Variants in IQCH observed in about 807,000 individuals in gnomAD.
IQCH encodes IQ domain-containing protein H.
In IQCH, 98 loss-of-function variants were observed where a neutral mutation model predicts 117.0. The ratio of observed to expected loss-of-function variants is 0.84; its 90% CI spans 0.71 to 0.99. The LOEUF is 0.99. Among genes scored for constraint, IQCH ranks in the 50% least tolerant of loss-of-function variants. The probability of loss-of-function intolerance (pLI) is 0.00; values close to 1 mark genes in which losing one functional copy is unlikely to be tolerated. For missense variants in IQCH, 1,102 were observed against 1,243.8 expected, an observed-to-expected ratio of 0.89 and a Z score of 1.72; for synonymous variants, 412 against 448.2, an observed-to-expected ratio of 0.92 and a Z score of 1.02.
chr15:67,380,128 A>T (rs1469635423), intron 10 of IQCH, among the ~76,000 whole-genome samples: 1 of 152,258 alleles, frequency 6.6e-6, no homozygotes, highest in Non-Finnish European at 1.5e-5. Context: ...TTGGGATTAC[A>T]GGTGTGAGCC....
chr15:67,254,867 C>G lies in IQCH; in HGVS notation c.-30C>G. ...GTTTCCGTGCTTGGAAACCGCGCCT[C>G]CGCGGAGGTAGCCGTTCCCTGACCT... On this transcript the variant is annotated 5_prime_UTR_variant, in exon 1 of 21. Transcript: ENST00000335894. 2 of 1,610,492 alleles carry G rather than the reference C, an allele frequency of 1.2e-6. No individual in the cohort carries two copies. The highest frequency in any genetic ancestry group is 4.5e-5 in the East Asian group (2 of 44,546).
Position 67,377,155 on chromosome 15 carries a change from G to A in IQCH, c.1372+3722G>A, listed in dbSNP as rs541539039. ...AAGAAAAAAAGAAAAAAAGAAAGGA[G>A]GACTTATGAAACTTGATTGATTGTT... On this transcript the variant is annotated intron_variant, in intron 10 of 20. Coordinates refer to ENST00000335894, the MANE Select transcript of IQCH (RefSeq NM_001031715.3). Among the ~76,000 whole-genome samples, 19 of 149,992 alleles carry A rather than the reference G, an allele frequency of 1.3e-4. 1 individual carries two copies. The South Asian group carries it at 4.0e-3, about 32-fold the overall frequency.
intron 4 of IQCH, among the ~76,000 whole-genome samples, chr15:67,328,315 T>G (rs8031586): frequency 0.67 from 102,410 of 151,992 alleles, 35,119 homozygotes; most frequent in Middle Eastern, 0.83. Context: ...TTCATTTTAA[T>G]TGCTCCTTCC....
In IQCH at chr15:67,488,812, C is replaced by T. The variant is rs561089024; in HGVS notation, c.2800-1191C>T. Reference sequence around the variant, plus strand: ...CGCTCCTAGGAGAATCTAATGCCACCGCTGATCTGACAGGAGACGGAGCTC... The same window carrying T: ...CGCTCCTAGGAGAATCTAATGCCACTGCTGATCTGACAGGAGACGGAGCTC... On this transcript the variant is annotated intron_variant, in intron 18 of 20. Transcript: ENST00000335894. Among the ~76,000 whole-genome samples the T allele has an allele frequency of 5.3e-5, 8 of 152,198 alleles. No homozygotes were observed. In the East Asian group the frequency reaches 1.5e-3, roughly 29 times the overall value.
At chr15:67,266,382 T>C (rs146989580) in intron 3 of IQCH, among the ~76,000 whole-genome samples, 2,137 of 152,076 alleles carry the variant, frequency 0.014, 46 homozygotes, top group African/African-American at 0.049. Flanking sequence ...CTCCGCTGGG[T>C]GCGGTGACTC....
chr15:67,421,667 C>A, intron 16 of IQCH, 90 bp downstream of exon 16: 2 of 1,293,868 alleles, frequency 1.5e-6, no homozygotes, highest in Non-Finnish European at 1.1e-6. Context: ...TATGAGGGCT[C>A]TTCTAAAATG....
In IQCH at chr15:67,457,740, C is replaced by T. The variant is rs1019998029; in HGVS notation, c.2506-7387C>T. Among the ~76,000 whole-genome samples the T allele has an allele frequency of 6.6e-6, 1 of 152,200 alleles. No homozygotes were observed. Among genetic ancestry groups the T allele is most frequent in the Non-Finnish European group, 1.5e-5 (1 of 68,040 alleles). On this transcript the variant is annotated intron_variant, in intron 16 of 20. Transcript: ENST00000335894. The surrounding 1 kb of genome is among the most constrained non-coding windows in gnomAD (Gnocchi z 5.7). ...AGGGGAAAGAAGTTGCTTAAGACCA[C>T]AAGGCCAGCACTCCCAGCGAGGTCC... is the stretch of plus-strand genomic sequence containing the variant.
Position 67,416,397 on chromosome 15 carries a change from G to A in IQCH, c.2098-534G>A, listed in dbSNP as rs940670215. 3.9e-5 allele frequency among the ~76,000 whole-genome samples: 6 copies of A among 152,054 alleles called. No homozygotes were observed. In the East Asian group the frequency reaches 7.7e-4, roughly 20 times the overall value. On this transcript the variant is annotated intron_variant, in intron 14 of 20. Transcript: ENST00000335894. This position sits in a 1 kb window ranked among gnomAD's most constrained non-coding sequence, Gnocchi z 5.1. Reference sequence around the variant, plus strand: ...CCAGGTGTGGTGACGCATGCCTGTAGTCCCAGCTACTCGGGAGGCTGAGGC... The same window carrying A: ...CCAGGTGTGGTGACGCATGCCTGTAATCCCAGCTACTCGGGAGGCTGAGGC...
At chr15:67,301,799 G>T (rs1192076230) in intron 4 of IQCH, among the ~76,000 whole-genome samples, 2 of 151,906 alleles carry the variant, frequency 1.3e-5, no homozygotes, top group Non-Finnish European at 2.9e-5. Context: ...TACTATTTTG[G>T]TATACACATG....
intron 6 of IQCH, among the ~76,000 whole-genome samples, chr15:67,347,203 G>GAA (rs536203507): frequency 3.6e-5 from 4 of 111,692 alleles, no homozygotes; most frequent in East Asian, 5.6e-4. Context: ...ATGGAAAATA[G>GAA]AAAAAAAAAA....
At position 67,366,095 on chromosome 15, in the gene IQCH, T is replaced by A. The variant is rs1260453277; in HGVS notation, c.754-6016T>A. Among the ~76,000 whole-genome samples the A allele has an allele frequency of 6.6e-6, 1 of 152,200 alleles. No individual in the cohort carries two copies. The highest frequency in any genetic ancestry group is 1.5e-5 in the Non-Finnish European group (1 of 68,040). ...AGCTTTACTTTGGTGATAATAGCAG[T>A]CCTTTTTGAGGCTTGCTCTTTTTCC... On this transcript the variant is annotated intron_variant, in intron 8 of 20. Transcript: ENST00000335894. This position sits in a 1 kb window ranked among gnomAD's most constrained non-coding sequence, Gnocchi z 4.4.
intron 10 of IQCH, among the ~76,000 whole-genome samples, chr15:67,378,943 C>T (rs962840668): frequency 1.3e-5 from 2 of 152,136 alleles, no homozygotes; most frequent in African/African-American, 4.8e-5. Flanking sequence ...TTATATCTGT[C>T]ATTATTAACT....
chr15:67,492,532 G>A (rs1289114674), intron 19 of IQCH, among the ~76,000 whole-genome samples: 2 of 152,232 alleles, frequency 1.3e-5, no homozygotes, highest in African/African-American at 4.8e-5. Flanking sequence ...AGTTCCAACC[G>A]CAAAGAGTAA....
chr15:67,460,411 C>T (rs1226565854), intron 16 of IQCH, among the ~76,000 whole-genome samples: 2 of 152,168 alleles, frequency 1.3e-5, no homozygotes, highest in African/African-American at 2.4e-5. Context: ...TTTCTATCCT[C>T]CTTTTGCTGT....
rs2082019542 is a variant in IQCH, at chr15:67,431,561, A to T, written c.2505+9984A>T. ...CTAGGCTTAATACCTGGGTGATGAA[A>T]TAATGTGTACAACAAACCCCCATGG... On this transcript the variant is annotated intron_variant, in intron 16 of 20. Coordinates refer to ENST00000335894, the MANE Select transcript of IQCH (RefSeq NM_001031715.3). The surrounding 1 kb of genome is among the most constrained non-coding windows in gnomAD (Gnocchi z 4.8). 6.6e-6 allele frequency among the ~76,000 whole-genome samples: 1 copy of T among 152,120 alleles called. No homozygotes were observed. The highest frequency in any genetic ancestry group is 1.5e-5 in the Non-Finnish European group (1 of 68,036).
Position 67,494,388 on chromosome 15 carries a change from G to A in IQCH, c.2970+22G>A, listed in dbSNP as rs765549902. On this transcript the variant is annotated intron_variant, in intron 20 of 20. Transcript: ENST00000335894. The surrounding 1 kb of genome is among the most constrained non-coding windows in gnomAD (Gnocchi z 5.5). Reference sequence around the variant, plus strand: ...TAAGGTGAGGTGTTAATTAACTAACGATTCTGGTTAATTTCTATACAAGGG... The same window carrying A: ...TAAGGTGAGGTGTTAATTAACTAACAATTCTGGTTAATTTCTATACAAGGG... The A allele has an allele frequency of 1.4e-5, 21 of 1,503,888 alleles. No individual in the cohort carries two copies. In the East Asian group the frequency reaches 2.5e-4, roughly 18 times the overall value. The allele number at this position is 1,503,888 out of a possible 1,614,324, so 93.2% of individuals were successfully genotyped here. A position where few individuals can be genotyped will look rare whatever the true frequency, so the allele number is the denominator to read the frequency against.
intron 13 of IQCH, among the ~76,000 whole-genome samples, chr15:67,399,832 C>A (rs745804169): frequency 2.0e-5 from 3 of 152,194 alleles, no homozygotes; most frequent in Non-Finnish European, 4.4e-5. Flanking sequence ...TTCAAGGATT[C>A]TTTCTTTTGC....
intron 8 of IQCH, among the ~76,000 whole-genome samples, chr15:67,361,277 C>A (rs967672041): frequency 3.9e-5 from 6 of 152,200 alleles, no homozygotes; most frequent in African/African-American, 1.4e-4. Flanking sequence ...CTGCTACTTG[C>A]AGCTAACATA....
intron 4 of IQCH, among the ~76,000 whole-genome samples, chr15:67,292,648 A>G (rs561389894): frequency 1.3e-5 from 2 of 152,246 alleles, no homozygotes; most frequent in Admixed American, 6.5e-5. Context: ...AACCTTTACC[A>G]TTTTTGCTTC....
Sources: gnomAD v4.1 joint callset for allele counts (sites outside exome capture counted in the v4.1 genomes callset) on GRCh38, gnomAD v4.1.1 for gene constraint, Gnocchi (gnomAD v3.1) non-coding constraint, MANE v1.5 for transcripts, NCBI Gene and HGNC (gene_info 2026-07-23, HGNC 2026-07-21) for gene names.